COL5A2: variants seen among roughly 807,000 people sequenced by gnomAD.
COL5A2 encodes the protein collagen type V alpha 2 chain, also known as collagen alpha-2(V) chain.
In COL5A2, 23 loss-of-function variants were observed where a neutral mutation model predicts 208.2. That is an observed-to-expected ratio of 0.11 (90% CI 0.08 to 0.16). The LOEUF (loss-of-function observed/expected upper bound fraction) is 0.16, where lower values mean the gene tolerates loss of function less well. Ranked by LOEUF, COL5A2 falls within the 10% of genes least tolerant of loss-of-function variation. The pLI, the probability that COL5A2 is intolerant of heterozygous loss-of-function variation, is 1.00. For missense variants in COL5A2, 1,590 were observed against 1,956.4 expected (o/e 0.81, Z 3.53); for synonymous variants, 625 against 628.5 (o/e 0.99, Z 0.08).
chr2:189,394,265 A>C, the COL5A2 span, among the ~76,000 whole-genome samples: 1 of 151,682 alleles, frequency 6.6e-6, no homozygotes, highest in Non-Finnish European at 1.5e-5. Context: ...TGAAAAAAAA[A>C]CATTAGATTC....
intron 5 of COL5A2, among the ~76,000 whole-genome samples, chr2:189,098,049 A>G (rs1217456333): frequency 6.7e-6 from 1 of 148,686 alleles, no homozygotes; most frequent in Admixed American, 6.7e-5. Context: ...CCCCTGGGAA[A>G]TGGCTGTTGC....
the COL5A2 span, among the ~76,000 whole-genome samples, chr2:189,319,063 T>C: frequency 6.6e-6 from 1 of 151,890 alleles, no homozygotes; most frequent in Non-Finnish European, 1.5e-5. Flanking sequence ...TTAGACATAT[T>C]TGAGAAAAAA....
the COL5A2 span, among the ~76,000 whole-genome samples, chr2:189,304,404 A>AT: frequency 6.6e-6 from 1 of 152,180 alleles, no homozygotes; most frequent in African/African-American, 2.4e-5. Flanking sequence ...AGTCCAGATA[A>AT]TTTATAAAGA....
At chr2:189,433,185 T>C in the COL5A2 span, among the ~76,000 whole-genome samples, 3 of 152,226 alleles carry the variant, frequency 2.0e-5, no homozygotes, top group Non-Finnish European at 2.9e-5. Context: ...TAAAGCAATG[T>C]GTAGGGAGAA....
chr2:189,432,595 T>A, the COL5A2 span, among the ~76,000 whole-genome samples: 1 of 152,150 alleles, frequency 6.6e-6, no homozygotes, highest in East Asian at 1.9e-4. Flanking sequence ...GGCCATTACA[T>A]AAAGGTAAAG....
At chr2:189,229,341 C>T (rs932705911), upstream of COL5A2, among the ~76,000 whole-genome samples, 3 of 151,272 alleles carry the variant, frequency 2.0e-5, no homozygotes, top group South Asian at 4.2e-4. Flanking sequence ...AAAAGGCATC[C>T]AAATTGGAAA....
At chr2:189,216,416 T>G (rs1689280482) in intron 1 of COL5A2, among the ~76,000 whole-genome samples, 1 of 152,134 alleles carries the variant, frequency 6.6e-6, no homozygotes, top group Non-Finnish European at 1.5e-5. Flanking sequence ...CATTCAATAT[T>G]CTTTTCTCTA....
At chr2:189,106,368 G>A (rs1687148642) in intron 2 of COL5A2, among the ~76,000 whole-genome samples, 1 of 151,294 alleles carries the variant, frequency 6.6e-6, no homozygotes, top group Non-Finnish European at 1.5e-5. Flanking sequence ...TATTACAAAT[G>A]AGGAATTTTT....
At position 189,053,471 on chromosome 2, in the gene COL5A2, G is replaced by A; in HGVS notation, c.2506C>T (p.Arg836Ter). Residue 836 changes from arginine (R) to a stop codon, truncating the protein, a stop_gained, in exon 38 of 54, where the codon CGA (arginine) becomes TGA (stop). Transcript: ENST00000374866. LOFTEE classifies it high-confidence loss of function. ...GCTCCAGTTGGCCCATTTTCACCTCGAGAACCCTAGGAGGAGACAAAGATT... is the reference window on the plus strand; with the variant it reads ...GCTCCAGTTGGCCCATTTTCACCTCAAGAACCCTAGGAGGAGACAAAGATT... ...PPGSRGNPGS[R>*]GENGPTGAVG... 1 of 1,613,556 alleles carries A rather than the reference G, an allele frequency of 6.2e-7. No individual in the cohort carries two copies. The highest frequency in any genetic ancestry group is 8.5e-7 in the Non-Finnish European group (1 of 1,179,632).
intron 1 of COL5A2, among the ~76,000 whole-genome samples, chr2:189,153,561 A>G (rs912603891): frequency 6.6e-6 from 1 of 152,224 alleles, no homozygotes; most frequent in Admixed American, 6.5e-5. Context: ...AGGAAAGATA[A>G]TGAAGAAAGC....
the COL5A2 span, among the ~76,000 whole-genome samples, chr2:189,283,364 T>C: frequency 1.3e-5 from 2 of 151,964 alleles, no homozygotes; most frequent in African/African-American, 4.8e-5. Context: ...TGCAATTTTT[T>C]TGAAAGAGCA....
the COL5A2 span, among the ~76,000 whole-genome samples, chr2:189,310,589 A>G: frequency 2.0e-5 from 3 of 148,566 alleles, no homozygotes; most frequent in Admixed American, 6.6e-5. Flanking sequence ...CATCCAAAAG[A>G]AAGGAAATCA....
the COL5A2 span, among the ~76,000 whole-genome samples, chr2:189,335,246 C>A: frequency 6.6e-6 from 1 of 152,124 alleles, no homozygotes; most frequent in South Asian, 2.1e-4. Flanking sequence ...ATCAAAAAAT[C>A]ATTTGTCATC....
chr2:189,177,852 C>T (rs1170716420), intron 1 of COL5A2, among the ~76,000 whole-genome samples: 2 of 152,096 alleles, frequency 1.3e-5, no homozygotes, highest in African/African-American at 2.4e-5. Context: ...CCTTGTGAAA[C>T]AGTCCTTTCA....
chr2:189,035,495 A>C (rs1685426481), intron 52 of COL5A2, among the ~76,000 whole-genome samples: 2 of 151,916 alleles, frequency 1.3e-5, no homozygotes, highest in African/African-American at 4.8e-5. Flanking sequence ...ATTAGAATTA[A>C]CTAGTAGTAT....
intron 1 of COL5A2, among the ~76,000 whole-genome samples, chr2:189,155,577 C>T (rs984425501): frequency 2.6e-5 from 4 of 152,186 alleles, no homozygotes; most frequent in Admixed American, 1.3e-4. Context: ...TAAACAGCTA[C>T]ATGTGTTAGT....
chr2:189,047,638 T>G (rs568072181), intron 45 of COL5A2, among the ~76,000 whole-genome samples: 3 of 152,314 alleles, frequency 2.0e-5, no homozygotes, highest in African/African-American at 7.2e-5. Flanking sequence ...GAGCTTTAAT[T>G]ACATCATAAC....
intron 7 of COL5A2, 130 bp downstream of exon 7, chr2:189,092,180 T>A: frequency 1.4e-6 from 1 of 721,064 alleles, no homozygotes; most frequent in Middle Eastern, 3.5e-4. Flanking sequence ...TCCATAGCAG[T>A]GTTGACCTTA....
the COL5A2 span, among the ~76,000 whole-genome samples, chr2:189,371,195 T>A: frequency 1.3e-5 from 2 of 152,194 alleles, no homozygotes; most frequent in African/African-American, 4.8e-5. Flanking sequence ...CAGGAGCAGA[T>A]GCTAGTGCCA....
Sources: allele counts gnomAD v4.1 joint callset (sites outside exome capture counted in the v4.1 genomes callset), GRCh38; gene constraint gnomAD v4.1.1; transcripts MANE v1.5; gene names NCBI Gene and HGNC (gene_info 2026-07-23, HGNC 2026-07-21).